The following FTO variants were observed in gnomAD, a reference collection of about 807,000 sequenced individuals.
The protein encoded by FTO is FTO alpha-ketoglutarate dependent dioxygenase.
Under a neutral mutation model 63.9 loss-of-function variants are expected in FTO, and 47 were observed. The ratio of observed to expected loss-of-function variants is 0.74; its 90% CI spans 0.58 to 0.94. FTO has a LOEUF of 0.94. FTO is among the 40% of genes least tolerant of loss of function. FTO has a pLI of 0.00. For missense variants in FTO, 562 were observed against 618.1 expected (o/e 0.91, Z 0.96); for synonymous variants, 207 against 224.4 (o/e 0.92, Z 0.69).
At chr16:53,825,561 A>C (rs561135544) in intron 2 of FTO, among the ~76,000 whole-genome samples, 2 of 152,364 alleles carry the variant, frequency 1.3e-5, no homozygotes, top group Non-Finnish European at 2.9e-5. Context: ...GTTGAGATTT[A>C]GGGTGAGAAA....
At chr16:53,819,392 G>A (rs1486160031) in intron 2 of FTO, among the ~76,000 whole-genome samples, 2 of 152,052 alleles carry the variant, frequency 1.3e-5, no homozygotes, top group African/African-American at 4.8e-5. Flanking sequence ...GGCTAGTCTC[G>A]AGCTCGTCAG....
intron 8 of FTO, among the ~76,000 whole-genome samples, chr16:54,074,946 G>GTA (rs1599322708): frequency 1.3e-5 from 2 of 150,740 alleles, no homozygotes; most frequent in African/African-American, 5.0e-5. Flanking sequence ...GTGTGTGTGT[G>GTA]TGTGTGTGTA....
At chr16:53,875,635 G>A in intron 5 of FTO, among the ~76,000 whole-genome samples, 1 of 152,190 alleles carries the variant, frequency 6.6e-6, no homozygotes, top group East Asian at 1.9e-4. Flanking sequence ...ACATAATAAA[G>A]CAAGAGAGAT....
At chr16:54,041,779 A>C (rs1157616412) in intron 8 of FTO, among the ~76,000 whole-genome samples, 1 of 152,188 alleles carries the variant, frequency 6.6e-6, no homozygotes, top group African/African-American at 2.4e-5. Context: ...CAGGCATTGC[A>C]TAGTAAAGAA....
At chr16:53,745,546 C>A (rs1381927773) in intron 1 of FTO, among the ~76,000 whole-genome samples, 3 of 152,154 alleles carry the variant, frequency 2.0e-5, no homozygotes, top group Non-Finnish European at 4.4e-5. Context: ...TATTGAGCAC[C>A]TTAAAAGCAT....
At chr16:53,823,755 G>A (rs1233026414) in intron 2 of FTO, among the ~76,000 whole-genome samples, 1 of 152,028 alleles carries the variant, frequency 6.6e-6, no homozygotes, top group Non-Finnish European at 1.5e-5. Context: ...GTGTGGTGGC[G>A]CATGCCTGTA....
chr16:53,946,924 G>A, intron 8 of FTO, among the ~76,000 whole-genome samples: 1 of 152,280 alleles, frequency 6.6e-6, no homozygotes, highest in Middle Eastern at 3.4e-3. Context: ...CATCAATTAC[G>A]CCATGTGTTT....
intron 7 of FTO, among the ~76,000 whole-genome samples, chr16:53,920,312 G>A (rs1017336448): frequency 7.4e-5 from 10 of 135,098 alleles, no homozygotes; most frequent in African/African-American, 1.7e-4. Flanking sequence ...CAGCTTGGTC[G>A]CTAAGTTGGC....
Position 53,804,719 on chromosome 16 carries a change from G to A in FTO, c.46-5421G>A, listed in dbSNP as rs61325775. ...CAACCTCCATCTGCCAGGTTCAAGCGATTCTCTTGCCTCAGCCACCCTAGA... is the reference window on the plus strand; with the variant it reads ...CAACCTCCATCTGCCAGGTTCAAGCAATTCTCTTGCCTCAGCCACCCTAGA... On this transcript the variant is annotated intron_variant, in intron 1 of 8. Coordinates refer to ENST00000471389, the MANE Select transcript of FTO (RefSeq NM_001080432.3). 0.038 allele frequency among the ~76,000 whole-genome samples: 5,652 copies of A among 149,732 alleles called. 479 individuals carry two copies. In the East Asian group the frequency reaches 0.4, roughly 11 times the overall value.
At chr16:53,735,277 A>G (rs1048331784) in intron 1 of FTO, among the ~76,000 whole-genome samples, 1 of 152,250 alleles carries the variant, frequency 6.6e-6, no homozygotes, top group Non-Finnish European at 1.5e-5. Flanking sequence ...TAGCACTGAC[A>G]GTGTTCTAGG....
intron 1 of FTO, among the ~76,000 whole-genome samples, chr16:53,759,155 G>C (rs1210304375): frequency 2.0e-5 from 3 of 152,140 alleles, no homozygotes; most frequent in African/African-American, 7.2e-5. Flanking sequence ...CAACCTTAAA[G>C]AAAGGATCAT....
chr16:53,744,172 T>C (rs1051654744), intron 1 of FTO, among the ~76,000 whole-genome samples: 12 of 152,126 alleles, frequency 7.9e-5, no homozygotes, highest in Admixed American at 2.6e-4. Context: ...CCCATTATCA[T>C]AGAAACTGCA....
At chr16:53,744,539 TG>T (rs1311164794) in intron 1 of FTO, among the ~76,000 whole-genome samples, 1 of 152,132 alleles carries the variant, frequency 6.6e-6, no homozygotes, top group East Asian at 1.9e-4. Flanking sequence ...GCACTTACTC[TG>T]GGAAGTCAGA....
At chr16:53,906,110 C>A (rs2081531147) in intron 7 of FTO, among the ~76,000 whole-genome samples, 1 of 152,212 alleles carries the variant, frequency 6.6e-6, no homozygotes, top group African/African-American at 2.4e-5. Flanking sequence ...AGCACCAGCT[C>A]CAGGCATCGG....
At chr16:54,028,073 T>C (rs768793059) in intron 8 of FTO, among the ~76,000 whole-genome samples, 3 of 152,186 alleles carry the variant, frequency 2.0e-5, no homozygotes, top group Non-Finnish European at 4.4e-5. Context: ...AGATAAAGTA[T>C]CTTATCTGTC....
chr16:53,996,910 A>G (rs568398572), intron 8 of FTO, among the ~76,000 whole-genome samples: 7 of 152,188 alleles, frequency 4.6e-5, no homozygotes, highest in Admixed American at 1.3e-4. Context: ...GGAGTTCAAG[A>G]CCAGCCTGGC....
intron 8 of FTO, among the ~76,000 whole-genome samples, chr16:53,999,262 A>G (rs1316965878): frequency 2.0e-5 from 3 of 152,262 alleles, no homozygotes; most frequent in Non-Finnish European, 4.4e-5. Context: ...AGCCACAGGC[A>G]GAAGTCATTA....
chr16:53,987,491 GA>G (rs1401869873), intron 8 of FTO, among the ~76,000 whole-genome samples: 1 of 150,566 alleles, frequency 6.6e-6, no homozygotes, highest in Non-Finnish European at 1.5e-5. Flanking sequence ...GCTGAGGCAG[GA>G]AAATTGCTTG....
chr16:53,874,982 T>C (rs1035653900), intron 5 of FTO, among the ~76,000 whole-genome samples: 7 of 151,374 alleles, frequency 4.6e-5, no homozygotes, highest in Admixed American at 3.3e-4. Context: ...TTTAAACAAA[T>C]AAACACAGAA....
Sources: allele counts gnomAD v4.1 joint callset (sites outside exome capture counted in the v4.1 genomes callset), GRCh38; gene constraint gnomAD v4.1.1; transcripts MANE v1.5; gene names NCBI Gene and HGNC (gene_info 2026-07-23, HGNC 2026-07-21).